The following FABP12 variants were observed in gnomAD, a reference collection of about 807,000 sequenced individuals.
FABP12 encodes fatty acid-binding protein 12.
FABP12 carries 19 observed loss-of-function variants against 13.7 expected under a neutral mutation model. The observed-to-expected ratio is 1.39, with a 90% CI of 0.97 to 2.04. FABP12 has a LOEUF of 2.04. FABP12 is among the 30% of genes most tolerant of loss of function. The pLI is 0.00. For missense variants in FABP12, 182 were observed against 164.2 expected (o/e 1.11, Z -0.59); for synonymous variants, 61 against 57.0 (o/e 1.07, Z -0.32).
chr8:81,569,230 A>C lies in FABP12; in HGVS notation c.-185+20823T>G, dbSNP rs570890348. ...AATCTCATGTACCTCATAAATATAT[A>C]TATCTGATATATACCCACATAAAAA... On this transcript the variant is annotated intron_variant, in intron 1 of 5. Coordinates refer to the FABP12 transcript ENST00000692030. 9.5e-4 allele frequency among the ~76,000 whole-genome samples: 145 copies of C among 152,322 alleles called. 2 individuals are homozygous for C. Among genetic ancestry groups the C allele is most frequent in the African/African-American group, 3.4e-3 (142 of 41,570 alleles).
At position 81,573,758 on chromosome 8, in the gene FABP12, C is replaced by T. The variant is rs1028948769; in HGVS notation, c.-185+16295G>A. 2.6e-5 allele frequency among the ~76,000 whole-genome samples: 4 copies of T among 152,010 alleles called. No individual in the cohort carries two copies. The East Asian group carries it at 5.8e-4, about 22-fold the overall frequency. ...TTCTTGATTTGATTCTCTGCTTGTT[C>T]ACTCTTGGTGTAATAGAAGAGCTAC... On this transcript the variant is annotated intron_variant, in intron 1 of 5. Coordinates refer to the FABP12 transcript ENST00000692030.
intron 3 of FABP12, 198 bp downstream of exon 3, chr8:81,529,240 C>G (rs893781790): frequency 8.1e-6 from 5 of 613,596 alleles, no homozygotes; most frequent in Non-Finnish European, 1.4e-5. Flanking sequence ...TTCAGGGCCT[C>G]TGGCAGTGAG....
intron 1 of FABP12, among the ~76,000 whole-genome samples, chr8:81,559,962 A>G (rs1809692694): frequency 1.3e-5 from 2 of 152,220 alleles, no homozygotes; most frequent in African/African-American, 4.8e-5. Context: ...ATATCATTAT[A>G]TGGGAAAATA....
chr8:81,531,424 G>A (rs774526286), intron 1 of FABP12, 34 bp from the exon 2 acceptor site: 6 of 668,398 alleles, frequency 9.0e-6, no homozygotes, highest in African/African-American at 1.8e-5. Context: ...TAGAGAATGA[G>A]ATGAGAAAAG....
At chr8:81,527,042 A>T in exon 4 of FABP12, 1 of 1,610,094 alleles carries the variant, frequency 6.2e-7, no homozygotes, top group Non-Finnish European at 8.5e-7. Flanking sequence ...CCCATCCACC[A>T]GCTTTCTCGT....
chr8:81,530,769 C>T (rs1809051131), intron 2 of FABP12, among the ~76,000 whole-genome samples: 1 of 152,016 alleles, frequency 6.6e-6, no homozygotes, highest in Non-Finnish European at 1.5e-5. Context: ...TCATAAATTT[C>T]CTTTTAAGAG....
intron 1 of FABP12, among the ~76,000 whole-genome samples, chr8:81,544,316 T>C (rs1160990144): frequency 6.6e-6 from 1 of 152,216 alleles, no homozygotes; most frequent in Non-Finnish European, 1.5e-5. Context: ...GGCAGGGACA[T>C]GCTCCCTCTG....
chr8:81,527,739 C>G (rs1808944957), intron 3 of FABP12, among the ~76,000 whole-genome samples: 1 of 152,106 alleles, frequency 6.6e-6, no homozygotes, highest in Admixed American at 6.6e-5. Flanking sequence ...TACATTTTAA[C>G]TTTCAAAATA....
chr8:81,585,438 A>G (rs534581356), intron 1 of FABP12, among the ~76,000 whole-genome samples: 11 of 152,164 alleles, frequency 7.2e-5, no homozygotes, highest in Admixed American at 2.6e-4. Flanking sequence ...TTCTATTGGT[A>G]TGTGTCTGTT....
chr8:81,533,988 A>G (rs923515091), upstream of FABP12, among the ~76,000 whole-genome samples: 14 of 152,172 alleles, frequency 9.2e-5, no homozygotes, highest in African/African-American at 2.9e-4. Flanking sequence ...ATGGGGCCCC[A>G]GTAACACATT....
intron 1 of FABP12, among the ~76,000 whole-genome samples, chr8:81,554,488 A>T (rs1442557779): frequency 1.3e-5 from 2 of 152,196 alleles, no homozygotes; most frequent in Non-Finnish European, 2.9e-5. Context: ...ATTATGATAC[A>T]TTGAAATAAC....
intron 1 of FABP12, among the ~76,000 whole-genome samples, chr8:81,557,065 G>A (rs986734769): frequency 1.3e-5 from 2 of 151,784 alleles, no homozygotes; most frequent in African/African-American, 4.8e-5. Context: ...AGTAGAGACG[G>A]AGTTTCACTA....
intron 1 of FABP12, among the ~76,000 whole-genome samples, chr8:81,575,985 G>A (rs906411965): frequency 2.6e-5 from 4 of 152,138 alleles, no homozygotes; most frequent in Admixed American, 2.0e-4. Flanking sequence ...GCTGGGGACC[G>A]CTGTTCTATA....
In FABP12 at chr8:81,531,234, A is replaced by G; in HGVS notation, c.73+9T>C. ...TACTGGATATGATATGCAAGTAAAC[A>G]TAGCTCACCCAGCTCCTTCATGTAG... is the stretch of plus-strand genomic sequence containing the variant. On this transcript the variant is annotated intron_variant, in intron 2 of 4. Coordinates refer to ENST00000360464, the Ensembl canonical transcript of FABP12. The G allele has an allele frequency of 6.3e-7, 1 of 1,599,618 alleles. No individual in the cohort carries two copies. Among genetic ancestry groups the G allele is most frequent in the Non-Finnish European group, 8.5e-7 (1 of 1,170,374 alleles).
chr8:81,570,609 TC>T, intron 1 of FABP12, among the ~76,000 whole-genome samples: 1 of 152,154 alleles, frequency 6.6e-6, no homozygotes, highest in African/African-American at 2.4e-5. Flanking sequence ...CAGCTGGTTG[TC>T]CCGTTGTCTC....
chr8:81,580,849 T>A (rs1810145668), intron 1 of FABP12, among the ~76,000 whole-genome samples: 1 of 152,018 alleles, frequency 6.6e-6, no homozygotes. Context: ...GTAAGAGTCT[T>A]GAGTAAAATA....
intron 1 of FABP12, among the ~76,000 whole-genome samples, chr8:81,556,576 T>G (rs1386921882): frequency 1.3e-5 from 2 of 151,788 alleles, no homozygotes; most frequent in Non-Finnish European, 1.5e-5. Context: ...AGGCTTTTTT[T>G]GTCATCATTT....
intron 1 of FABP12, among the ~76,000 whole-genome samples, chr8:81,541,170 A>T (rs1006739693): frequency 6.6e-6 from 1 of 151,848 alleles, no homozygotes; most frequent in African/African-American, 2.4e-5. Context: ...TGTCTCAAAA[A>T]AAAAAAAAAA....
upstream of FABP12, among the ~76,000 whole-genome samples, chr8:81,534,270 G>A (rs1293003456): frequency 6.6e-6 from 1 of 152,040 alleles, no homozygotes; most frequent in Non-Finnish European, 1.5e-5. Flanking sequence ...TCCTGCTCTG[G>A]GCTCCACTCA....
Sources: gnomAD v4.1 joint callset for allele counts (sites outside exome capture counted in the v4.1 genomes callset) on GRCh38, gnomAD v4.1.1 for gene constraint, MANE v1.5 for transcripts, NCBI Gene and HGNC (gene_info 2026-07-23, HGNC 2026-07-21) for gene names.